Variants in PARP8 observed in about 807,000 individuals in gnomAD.
PARP8 encodes the protein protein mono-ADP-ribosyltransferase PARP8.
PARP8 carries 51 observed loss-of-function variants against 124.1 expected under a neutral mutation model. The observed-to-expected ratio is 0.41, with a 90% CI of 0.33 to 0.52. The LOEUF (loss-of-function observed/expected upper bound fraction) is 0.52, where lower values mean the gene tolerates loss of function less well. Among genes scored for constraint, PARP8 ranks in the 20% least tolerant of loss-of-function variants. The pLI is 0.21. For missense variants in PARP8, 860 were observed against 1,018.9 expected (o/e 0.84, Z 2.12); for synonymous variants, 391 against 361.5 (o/e 1.08, Z -0.93).
chr5:50,716,900 A>T (rs765852194), intron 2 of PARP8, among the ~76,000 whole-genome samples: 1 of 152,092 alleles, frequency 6.6e-6, no homozygotes, highest in Non-Finnish European at 1.5e-5. Context: ...TATGTGTTTT[A>T]TATGTATTCC....
chr5:50,752,412 T>A (rs1759359221), intron 3 of PARP8, among the ~76,000 whole-genome samples: 1 of 152,040 alleles, frequency 6.6e-6, no homozygotes, highest in African/African-American at 2.4e-5. Context: ...ATGATTATTA[T>A]CTCTTCTGTT....
intron 2 of PARP8, among the ~76,000 whole-genome samples, chr5:50,686,380 C>G (rs1751862303): frequency 6.6e-6 from 1 of 152,352 alleles, no homozygotes; most frequent in Non-Finnish European, 1.5e-5. Context: ...CAGCTCCACC[C>G]CTGTGACTTT....
Position 50,760,350 on chromosome 5 carries a change from G to T in PARP8, c.333G>T (p.Lys111Asn). 1 of 1,522,018 alleles carries T rather than the reference G, an allele frequency of 6.6e-7. No homozygotes were observed. The highest frequency in any genetic ancestry group is 9.0e-7 in the Non-Finnish European group (1 of 1,114,724). The allele number at this position is 1,522,018 out of a possible 1,614,324, so 94.3% of individuals were successfully genotyped here. A position where few individuals can be genotyped will look rare whatever the true frequency, so the allele number is the denominator to read the frequency against. ...CCLSIKSKLQ[K>N]ENGEESRQNS... ...TATCCATAAAATCCAAATTACAAAAGGAAAATGGGGAGGTATGTAAATTAT... is the reference window on the plus strand; with the variant it reads ...TATCCATAAAATCCAAATTACAAAATGAAAATGGGGAGGTATGTAAATTAT... The change falls in exon 5 of 26, where the codon AAG becomes AAT. Residue 111 changes from lysine (K) to asparagine (N), a missense_variant. Around this residue, in one of 2 missense-constraint regions of PARP8, gnomAD observed 517 missense variants for 544.2 expected, o/e 0.95. Transcript: ENST00000281631.
chr5:50,819,434 T>TC (rs1745499743), intron 15 of PARP8, among the ~76,000 whole-genome samples: 1 of 122,972 alleles, frequency 8.1e-6, no homozygotes, highest in South Asian at 3.0e-4. Flanking sequence ...CTTCTTTTTT[T>TC]TTTTTTTTTT....
intron 2 of PARP8, among the ~76,000 whole-genome samples, chr5:50,673,262 T>C (rs947850680): frequency 2.6e-5 from 4 of 152,212 alleles, no homozygotes; most frequent in African/African-American, 9.7e-5. Context: ...TTCTGTTCTG[T>C]ATAACAACTC....
intron 2 of PARP8, among the ~76,000 whole-genome samples, chr5:50,747,150 G>GTTT (rs1561320439): frequency 5.2e-5 from 2 of 38,482 alleles, no homozygotes; most frequent in African/African-American, 1.4e-4. Context: ...GGTTTTTTTT[G>GTTT]TTTGTTTGTT....
Position 50,788,454 on chromosome 5 carries a change from C to A in PARP8, c.671-69C>A, listed in dbSNP as rs2149633738. ...TGCACATATATAATGCGATTTCAAC[C>A]TTTTTCTGGCTGATGGTTGAGTTTC... is the stretch of plus-strand genomic sequence containing the variant. On this transcript the variant is annotated intron_variant, in intron 9 of 25. Transcript: ENST00000281631. 3 of 1,442,396 alleles carry A rather than the reference C, an allele frequency of 2.1e-6. No individual in the cohort carries two copies. In the East Asian group the frequency reaches 6.9e-5, roughly 33 times the overall value. The allele number at this position is 1,442,396 out of a possible 1,614,324, so 89.3% of individuals were successfully genotyped here.
chr5:50,842,158 GTTA>G lies in PARP8; in HGVS notation c.*95_*97del. 2 of 901,052 alleles carry G rather than the reference GTTA, an allele frequency of 2.2e-6. No homozygotes were observed. The highest frequency in any genetic ancestry group is 3.4e-6 in the Non-Finnish European group (2 of 596,498). 55.8% of individuals were successfully genotyped at this position (901,052 alleles called of 1,614,324 possible). A position where few individuals can be genotyped will look rare whatever the true frequency, so the allele number is the denominator to read the frequency against. ...GAAGAAGATTATAAAATTATTTATT[GTTA>G]TTATAAACAAAATTAACCCTTTGAA... On this transcript the variant is annotated 3_prime_UTR_variant, in exon 26 of 26. Coordinates refer to ENST00000281631, the MANE Select transcript of PARP8 (RefSeq NM_024615.4).
intron 9 of PARP8, among the ~76,000 whole-genome samples, chr5:50,782,919 C>T (rs1270278523): frequency 6.6e-6 from 1 of 152,056 alleles, no homozygotes; most frequent in Non-Finnish European, 1.5e-5. Flanking sequence ...GGAAGATGAC[C>T]GCAAGAGATC....
chr5:50,738,006 G>A (rs915803864), intron 2 of PARP8, among the ~76,000 whole-genome samples: 1 of 152,162 alleles, frequency 6.6e-6, no homozygotes, highest in Non-Finnish European at 1.5e-5. Flanking sequence ...TTAATGAATA[G>A]TGAATGGCTA....
chr5:50,711,651 G>A (rs554464436), intron 2 of PARP8, among the ~76,000 whole-genome samples: 22 of 152,178 alleles, frequency 1.4e-4, no homozygotes, highest in African/African-American at 4.8e-4. Context: ...TGGTTGAGCC[G>A]CTGAATTAAT....
At position 50,821,225 on chromosome 5, in the gene PARP8, C is replaced by T. The variant is rs1745730142; in HGVS notation, c.1681C>T (p.Leu561=). Residue 561 remains leucine (L), a synonymous_variant, in exon 16 of 26, where the codon CTA becomes TTA. Coordinates refer to ENST00000281631, the MANE Select transcript of PARP8 (RefSeq NM_024615.4). ...IATGAQVVDL[L]VSMCRSALES... ...TGTATATTTCAAGGTGGTAGATCTA[C>T]TAGTATCCATGTGTAGGTCTGCGTT... 6.2e-7 allele frequency: 1 copy of T among 1,613,842 alleles called. No homozygotes were observed. Among genetic ancestry groups the T allele is most frequent in the Non-Finnish European group, 8.5e-7 (1 of 1,179,902 alleles).
rs1490690099 is a variant in PARP8 at position 50,739,445 on chromosome 5, C to T, written c.147-10706C>T. The stretch of plus-strand genomic sequence containing the variant: ...AATCATTTTTTTGATCATCTCCTCT[C>T]GCTACATCAGCTGCATTCTTCCATA... On this transcript the variant is annotated intron_variant, in intron 2 of 25. Coordinates refer to ENST00000281631, the MANE Select transcript of PARP8 (RefSeq NM_024615.4). 7.2e-5 allele frequency among the ~76,000 whole-genome samples: 11 copies of T among 152,040 alleles called. No individual in the cohort carries two copies. In the East Asian group the frequency reaches 7.7e-4, roughly 11 times the overall value.
chr5:50,784,147 C>T (rs565999288), intron 9 of PARP8, among the ~76,000 whole-genome samples: 16 of 152,222 alleles, frequency 1.1e-4, no homozygotes, highest in African/African-American at 3.9e-4. Context: ...AAGATTTAGA[C>T]TGACCTACTT....
At chr5:50,757,977 T>C (rs1466443637) in intron 3 of PARP8, among the ~76,000 whole-genome samples, 1 of 152,090 alleles carries the variant, frequency 6.6e-6, no homozygotes, top group African/African-American at 2.4e-5. Flanking sequence ...CTCCAGGGAC[T>C]CCATTGTGCA....
Position 50,797,253 on chromosome 5 carries a change from A to G in PARP8, c.1575+20A>G, listed in dbSNP as rs1262504305. ...CTTAGGGTAAGTTCTTGCTGATAGA[A>G]TGTCCGTGTTGGTTTAGAATATAGA... On this transcript the variant is annotated intron_variant, in intron 14 of 25. Transcript: ENST00000281631. 3 of 1,520,122 alleles carry G rather than the reference A, an allele frequency of 2.0e-6. No individual in the cohort carries two copies. Among genetic ancestry groups the G allele is most frequent in the Middle Eastern group, 1.7e-4 (1 of 5,770 alleles). The allele number at this position is 1,520,122 out of a possible 1,614,324, so 94.2% of individuals were successfully genotyped here.
chr5:50,821,023 CAT>C (rs1015602217), intron 15 of PARP8, among the ~76,000 whole-genome samples, 188 bp from the exon 16 acceptor site: 14 of 152,172 alleles, frequency 9.2e-5, no homozygotes, highest in African/African-American at 1.2e-4. Context: ...AGAAGCAGCA[CAT>C]GTTTGTTATT....
intron 14 of PARP8, among the ~76,000 whole-genome samples, chr5:50,813,991 T>C (rs1389893455): frequency 6.6e-6 from 1 of 152,026 alleles, no homozygotes; most frequent in Non-Finnish European, 1.5e-5. Context: ...TCTAAAAGAG[T>C]ATTGTTAAAA....
At chr5:50,716,356 T>A (rs1390678498) in intron 2 of PARP8, among the ~76,000 whole-genome samples, 2 of 152,094 alleles carry the variant, frequency 1.3e-5, no homozygotes, top group African/African-American at 4.8e-5. Flanking sequence ...ATTCATGGAT[T>A]GGGCGGCTTC....
Sources: gnomAD v4.1 joint callset for allele counts (sites outside exome capture counted in the v4.1 genomes callset) on GRCh38, gnomAD v4.1.1 for gene constraint, gnomAD v4.1.1 regional missense constraint, MANE v1.5 for transcripts, NCBI Gene and HGNC (gene_info 2026-07-23, HGNC 2026-07-21) for gene names.